The following FAM169A variants were observed in gnomAD, a reference collection of about 807,000 sequenced individuals.
The protein encoded by FAM169A is family with sequence similarity 169 member A.
Under a neutral mutation model 75.7 loss-of-function variants are expected in FAM169A, and 24 were observed. The observed-to-expected ratio is 0.32, with a 90% confidence interval of 0.23 to 0.45. FAM169A has a LOEUF of 0.45. Ranked by LOEUF, FAM169A falls within the 20% of genes least tolerant of loss-of-function variation. The pLI, the probability that FAM169A is intolerant of heterozygous loss-of-function variation, is 1.00. For missense variants in FAM169A, 673 were observed against 784.0 expected (o/e 0.86, Z 1.69); for synonymous variants, 271 against 271.0 (o/e 1.00, Z 0.00).
intron 11 of FAM169A, among the ~76,000 whole-genome samples, chr5:74,790,648 C>A (rs766674326): frequency 1.3e-5 from 2 of 152,158 alleles, no homozygotes; most frequent in African/African-American, 2.4e-5. Flanking sequence ...CCTTACCCAG[C>A]CGCCCCTGTC....
intron 6 of FAM169A, among the ~76,000 whole-genome samples, chr5:74,805,523 G>GTTTT (rs1561298455): frequency 9.5e-6 from 1 of 105,622 alleles, no homozygotes; most frequent in African/African-American, 4.6e-5. Flanking sequence ...AATGTGCTTC[G>GTTTT]CTTTTTTTTT....
At chr5:74,799,650 G>A (rs1388477313) in intron 10 of FAM169A, 1 of 1,359,434 alleles carries the variant, frequency 7.4e-7, no homozygotes, top group Non-Finnish European at 1.1e-6. Flanking sequence ...GGAGCCACCT[G>A]GCCTGGGCCA....
chr5:74,845,178 G>T (rs867123442), intron 1 of FAM169A, among the ~76,000 whole-genome samples: 2 of 152,094 alleles, frequency 1.3e-5, no homozygotes, highest in Non-Finnish European at 2.9e-5. Context: ...ATGATAAGAG[G>T]AACTATTTTT....
intron 5 of FAM169A, among the ~76,000 whole-genome samples, chr5:74,828,541 TG>T (rs1748150861): frequency 1.3e-5 from 2 of 152,172 alleles, no homozygotes; most frequent in Admixed American, 1.3e-4. Flanking sequence ...AGAGCAAGGC[TG>T]GGGTAACTGT....
intron 10 of FAM169A, chr5:74,799,205 G>C: frequency 7.9e-7 from 1 of 1,268,848 alleles, no homozygotes; most frequent in Non-Finnish European, 1.2e-6. Flanking sequence ...GTCACTTGTG[G>C]GGCAGACCAC....
At chr5:74,815,963 T>A (rs1253955155) in intron 5 of FAM169A, among the ~76,000 whole-genome samples, 1 of 152,228 alleles carries the variant, frequency 6.6e-6, no homozygotes, top group Non-Finnish European at 1.5e-5. Flanking sequence ...CAGCAGTCCT[T>A]GAGGCTGCTC....
At chr5:74,805,128 C>T in intron 7 of FAM169A, 28 bp downstream of exon 7, 1 of 1,607,078 alleles carries the variant, frequency 6.2e-7, no homozygotes, top group Non-Finnish European at 8.5e-7. Flanking sequence ...ATAAACTGAA[C>T]TTATGTTCAA....
chr5:74,855,635 CAT>C (rs1394734117), intron 1 of FAM169A, among the ~76,000 whole-genome samples: 4 of 152,120 alleles, frequency 2.6e-5, no homozygotes, highest in Non-Finnish European at 5.9e-5. Context: ...CAGATTATTA[CAT>C]GTTTTCAACT....
chr5:74,819,593 T>C (rs1427471452), intron 5 of FAM169A, among the ~76,000 whole-genome samples: 1 of 152,176 alleles, frequency 6.6e-6, no homozygotes, highest in Non-Finnish European at 1.5e-5. Context: ...CAACAACTTG[T>C]ATACAATTGT....
At chr5:74,847,580 A>G (rs1207465439) in intron 1 of FAM169A, among the ~76,000 whole-genome samples, 1 of 152,196 alleles carries the variant, frequency 6.6e-6, no homozygotes, top group Non-Finnish European at 1.5e-5. Flanking sequence ...GGTATATTAG[A>G]TTATACATTT....
intron 5 of FAM169A, among the ~76,000 whole-genome samples, chr5:74,822,175 G>C (rs1747797361): frequency 6.6e-6 from 1 of 152,160 alleles, no homozygotes; most frequent in Non-Finnish European, 1.5e-5. Flanking sequence ...GGGAAGTGTG[G>C]TCCACCAGGG....
At chr5:74,798,113 C>T (rs1032189552) in intron 10 of FAM169A, among the ~76,000 whole-genome samples, 1 of 151,874 alleles carries the variant, frequency 6.6e-6, no homozygotes, top group Non-Finnish European at 1.5e-5. Context: ...ATCTCTCCAT[C>T]CCCTCAATTA....
chr5:74,786,740 G>A (rs557281331), intron 11 of FAM169A, among the ~76,000 whole-genome samples: 2 of 152,288 alleles, frequency 1.3e-5, no homozygotes, highest in East Asian at 3.9e-4. Flanking sequence ...TAGACAAAGA[G>A]CTGAAATTGT....
At position 74,777,904 on chromosome 5, in the gene FAM169A, C is replaced by T. The variant is rs1274652169; in HGVS notation, c.*3556G>A. ...CTGGAAGTTTTAGAACACATACAGACGCTTAGGAAAAGAAAGGCTAGTTCC... is the reference window on the plus strand; with the variant it reads ...CTGGAAGTTTTAGAACACATACAGATGCTTAGGAAAAGAAAGGCTAGTTCC... On this transcript the variant is annotated 3_prime_UTR_variant, in exon 13 of 13. Transcript: ENST00000687041. 1.3e-5 allele frequency: 2 copies of T among 151,860 alleles called. No individual in the cohort carries two copies. The highest frequency in any genetic ancestry group is 4.8e-5 in the African/African-American group (2 of 41,378). The allele number at this position is 151,860 out of a possible 1,614,324, so 9.4% of individuals were successfully genotyped here.
At chr5:74,824,002 T>A (rs1431899764) in intron 5 of FAM169A, among the ~76,000 whole-genome samples, 2 of 152,168 alleles carry the variant, frequency 1.3e-5, no homozygotes, top group Non-Finnish European at 2.9e-5. Flanking sequence ...GGGAAGATCA[T>A]GGATATAGCC....
chr5:74,798,624 A>G (rs1225968729), intron 10 of FAM169A, among the ~76,000 whole-genome samples: 4 of 152,224 alleles, frequency 2.6e-5, no homozygotes, highest in Non-Finnish European at 5.9e-5. Context: ...TAAAATGGCA[A>G]AGTTATGAAT....
chr5:74,866,013 G>A (rs1750320090), intron 1 of FAM169A, 152 bp downstream of exon 1: 2 of 214,562 alleles, frequency 9.3e-6, no homozygotes, highest in Middle Eastern at 2.3e-3. Flanking sequence ...GCACTGGTCT[G>A]CGCCAGGCCC....
At chr5:74,844,671 T>C (rs993146155) in intron 1 of FAM169A, among the ~76,000 whole-genome samples, 5 of 151,556 alleles carry the variant, frequency 3.3e-5, no homozygotes, top group Admixed American at 1.3e-4. Context: ...TACAAAAAAT[T>C]AGCTGGCTGG....
chr5:74,790,469 A>G (rs1745919080), intron 11 of FAM169A, among the ~76,000 whole-genome samples: 1 of 152,198 alleles, frequency 6.6e-6, no homozygotes, highest in South Asian at 2.1e-4. Flanking sequence ...TGATTGGAAA[A>G]CTGGTGACAA....
Sources: gnomAD v4.1 joint callset for allele counts (sites outside exome capture counted in the v4.1 genomes callset) on GRCh38, gnomAD v4.1.1 for gene constraint, MANE v1.5 for transcripts, NCBI Gene and HGNC (gene_info 2026-07-23, HGNC 2026-07-21) for gene names.